Variants in PHF24 observed in about 807,000 individuals in gnomAD.
PHF24 encodes the protein Galpha inhibitory interacting protein.
Under a neutral mutation model 42.6 loss-of-function variants are expected in PHF24, and 25 were observed. That is an observed-to-expected ratio of 0.59 (90% CI 0.43 to 0.82). The LOEUF (loss-of-function observed/expected upper bound fraction) is 0.82. Ranked by LOEUF, PHF24 falls within the 40% of genes least tolerant of loss-of-function variation. PHF24 has a pLI of 0.00. For missense variants in PHF24, 470 were observed against 538.1 expected, an observed-to-expected ratio of 0.87 and a Z score of 1.25; for synonymous variants, 185 against 204.8, an observed-to-expected ratio of 0.90 and a Z score of 0.83.
chr9:34,693,810 TGTGTGGCTGTAA>T, the PHF24 span, among the ~76,000 whole-genome samples: 1 of 152,244 alleles, frequency 6.6e-6, no homozygotes, highest in Non-Finnish European at 1.5e-5. Context: ...TTTGTTTCTT[TGTGTGGCTGTAA>T]GTTATTACTT....
At chr9:34,859,710 TTTA>T in the PHF24 span, among the ~76,000 whole-genome samples, 86 of 152,298 alleles carry the variant, frequency 5.6e-4, no homozygotes, top group African/African-American at 1.9e-3. Context: ...CCTTATAAGC[TTTA>T]TTAGGCAGAC....
chr9:34,831,535 G>A, the PHF24 span, among the ~76,000 whole-genome samples: 1 of 152,100 alleles, frequency 6.6e-6, no homozygotes, highest in African/African-American at 2.4e-5. Context: ...CTAAGGGCAA[G>A]CAGAACTAAG....
At chr9:34,821,401 C>T in the PHF24 span, among the ~76,000 whole-genome samples, 16 of 152,082 alleles carry the variant, frequency 1.1e-4, no homozygotes, top group Non-Finnish European at 1.9e-4. Context: ...TCATTTTGGA[C>T]GAGTTGAACT....
At chr9:34,827,229 TG>T in the PHF24 span, among the ~76,000 whole-genome samples, 3 of 152,208 alleles carry the variant, frequency 2.0e-5, no homozygotes. Context: ...CCCTTCATTC[TG>T]GGCTTCCCTC....
chr9:34,958,087 C>T (rs1028487338), upstream of PHF24, among the ~76,000 whole-genome samples: 1 of 149,532 alleles, frequency 6.7e-6, no homozygotes, highest in African/African-American at 2.4e-5. The surrounding 1 kb of genome is among the most constrained non-coding windows in gnomAD (Gnocchi z 4.5). Context: ...CACCCGCCGC[C>T]CGCGGAGCCG....
chr9:34,764,229 G>T, the PHF24 span, among the ~76,000 whole-genome samples: 23 of 152,368 alleles, frequency 1.5e-4, no homozygotes, highest in East Asian at 3.9e-3. Context: ...AATTAGGGAG[G>T]ATTCCCTCTT....
At chr9:34,712,889 A>C in the PHF24 span, among the ~76,000 whole-genome samples, 1 of 152,134 alleles carries the variant, frequency 6.6e-6, no homozygotes, top group Admixed American at 6.6e-5. Flanking sequence ...AAGACAGTTA[A>C]AGTCTTCATC....
the PHF24 span, among the ~76,000 whole-genome samples, chr9:34,911,211 T>C: frequency 6.6e-6 from 1 of 152,166 alleles, no homozygotes; most frequent in African/African-American, 2.4e-5. Flanking sequence ...AAGTTGTCTT[T>C]TATGAATAAA....
At chr9:34,839,124 G>A in the PHF24 span, among the ~76,000 whole-genome samples, 10 of 152,190 alleles carry the variant, frequency 6.6e-5, no homozygotes, top group Non-Finnish European at 1.5e-5. Context: ...GATGGGTGGG[G>A]AGAGATTGTA....
chr9:34,963,521 G>A (rs76127803), intron 1 of PHF24, among the ~76,000 whole-genome samples: 3,509 of 152,152 alleles, frequency 0.023, 137 homozygotes, highest in African/African-American at 0.08. Context: ...GATACTGCTC[G>A]TGCTAAATTT....
At chr9:34,881,538 G>C in the PHF24 span, among the ~76,000 whole-genome samples, 1 of 152,086 alleles carries the variant, frequency 6.6e-6, no homozygotes, top group Admixed American at 6.6e-5. Flanking sequence ...TATCACCACC[G>C]ATCCCACAGA....
At chr9:34,847,865 G>T in the PHF24 span, among the ~76,000 whole-genome samples, 1 of 152,094 alleles carries the variant, frequency 6.6e-6, no homozygotes, top group Non-Finnish European at 1.5e-5. Context: ...TAATCATGTG[G>T]TTTTGTCTTT....
chr9:34,763,489 C>A, the PHF24 span, among the ~76,000 whole-genome samples: 29 of 152,198 alleles, frequency 1.9e-4, no homozygotes, highest in African/African-American at 6.5e-4. Context: ...CATGATTTGG[C>A]TCTCTGTTTG....
chr9:34,746,593 T>A, the PHF24 span, among the ~76,000 whole-genome samples: 57 of 152,294 alleles, frequency 3.7e-4, no homozygotes, highest in Admixed American at 1.6e-3. Flanking sequence ...TTTGATAATA[T>A]TAAACATTCA....
At chr9:34,776,199 A>C in the PHF24 span, among the ~76,000 whole-genome samples, 1 of 152,166 alleles carries the variant, frequency 6.6e-6, no homozygotes, top group South Asian at 2.1e-4. Flanking sequence ...GAACATACTA[A>C]AAATCATAGA....
chr9:34,688,097 G>A, the PHF24 span, among the ~76,000 whole-genome samples: 1 of 152,166 alleles, frequency 6.6e-6, no homozygotes, highest in Non-Finnish European at 1.5e-5. Flanking sequence ...GGGAGCAGAG[G>A]AGAGGAAGAG....
the PHF24 span, among the ~76,000 whole-genome samples, chr9:34,817,426 G>A: frequency 4.6e-5 from 7 of 151,956 alleles, no homozygotes; most frequent in African/African-American, 1.7e-4. Context: ...TTTATTTTTT[G>A]TAGAGACAGG....
the PHF24 span, among the ~76,000 whole-genome samples, chr9:34,931,822 AC>A: frequency 2.0e-5 from 3 of 152,180 alleles, no homozygotes; most frequent in African/African-American, 7.2e-5. Context: ...GTGAGAATGG[AC>A]TAACAAACAC....
At chr9:34,672,095 A>C in the PHF24 span, among the ~76,000 whole-genome samples, 1 of 152,200 alleles carries the variant, frequency 6.6e-6, no homozygotes, top group Non-Finnish European at 1.5e-5. Flanking sequence ...AAATCTATGA[A>C]GTGGATTGCT....
Sources: allele counts gnomAD v4.1 joint callset (sites outside exome capture counted in the v4.1 genomes callset), GRCh38; gene constraint gnomAD v4.1.1; non-coding constraint Gnocchi (gnomAD v3.1); transcripts MANE v1.5; gene names NCBI Gene and HGNC (gene_info 2026-07-23, HGNC 2026-07-21).